LRRC43: variants seen among roughly 807,000 people sequenced by gnomAD.
The protein encoded by LRRC43 is leucine rich repeat containing 43.
A neutral mutation model predicts 64.3 loss-of-function variants in LRRC43; 62 were observed. The ratio of observed to expected loss-of-function variants is 0.96; its 90% CI spans 0.79 to 1.19. The LOEUF is 1.19. Ranked by LOEUF, LRRC43 falls within the 50% of genes most tolerant of loss-of-function variation. The pLI is 0.00. For missense variants in LRRC43, 868 were observed against 845.0 expected, an observed-to-expected ratio of 1.03 and a Z score of -0.34; for synonymous variants, 422 against 382.3, an observed-to-expected ratio of 1.10 and a Z score of -1.21.
intron 1 of LRRC43, among the ~76,000 whole-genome samples, chr12:122,171,640 T>A (rs1267488170): frequency 6.6e-6 from 1 of 152,022 alleles, no homozygotes; most frequent in Non-Finnish European, 1.5e-5. Flanking sequence ...GGATATCTGA[T>A]CTGTGTTACA....
chr12:122,189,643 T>C (rs80035252), intron 4 of LRRC43: 3,724 of 372,028 alleles, frequency 0.01, 26 homozygotes, highest in Non-Finnish European at 0.014. Context: ...TGAGAAGCCA[T>C]CTCCTGCTTC....
intron 1 of LRRC43, among the ~76,000 whole-genome samples, chr12:122,175,314 C>T (rs772867917): frequency 1.3e-5 from 2 of 151,716 alleles, no homozygotes; most frequent in African/African-American, 2.4e-5. Context: ...GGATTACAGG[C>T]GCCCACCACC....
chr12:122,179,507 C>T (rs1953564450), upstream of LRRC43, among the ~76,000 whole-genome samples: 1 of 151,974 alleles, frequency 6.6e-6, no homozygotes, highest in African/African-American at 2.4e-5. Flanking sequence ...TAGGAAGGAA[C>T]TACAGATGTA....
intron 1 of LRRC43, chr12:122,172,652 G>A: frequency 1.2e-6 from 2 of 1,614,148 alleles, no homozygotes; most frequent in Non-Finnish European, 1.7e-6. Flanking sequence ...GGATGGCTGG[G>A]CTGTGGATGT....
chr12:122,194,673 G>T (rs751747029), intron 7 of LRRC43, among the ~76,000 whole-genome samples: 6 of 151,588 alleles, frequency 4.0e-5, no homozygotes, highest in Non-Finnish European at 7.4e-5. Flanking sequence ...GTCTCTCGAT[G>T]TTGACCAGGT....
chr12:122,189,383 T>C (rs751463800), intron 4 of LRRC43: 1 of 455,928 alleles, frequency 2.2e-6, no homozygotes, highest in South Asian at 1.5e-5. Context: ...CCTGGTTTCC[T>C]CTTCCTCCCC....
chr12:122,172,631 G>A, intron 1 of LRRC43: 1 of 1,614,140 alleles, frequency 6.2e-7, no homozygotes, highest in Non-Finnish European at 8.5e-7. Context: ...TGATTGTCTT[G>A]AGATATGCCC....
intron 1 of LRRC43, chr12:122,174,181 A>C (rs1953516919): frequency 1.2e-6 from 2 of 1,614,010 alleles, no homozygotes; most frequent in South Asian, 2.2e-5. Context: ...ATGGCGAGAG[A>C]GAGCAAGGCC....
chr12:122,185,818 G>C (rs972520514), intron 2 of LRRC43, among the ~76,000 whole-genome samples: 12 of 152,200 alleles, frequency 7.9e-5, no homozygotes, highest in African/African-American at 2.9e-4. Flanking sequence ...GCAGCTTCTG[G>C]TCGGACCCTG....
chr12:122,197,944 C>CT (rs1463673960), intron 7 of LRRC43, among the ~76,000 whole-genome samples: 1 of 151,770 alleles, frequency 6.6e-6, no homozygotes. Context: ...TCAGGAGGGT[C>CT]TAACATTTCT....
chr12:122,192,639 G>A (rs1034830510), intron 6 of LRRC43, 106 bp from the exon 7 acceptor site: 2 of 1,346,000 alleles, frequency 1.5e-6, no homozygotes, highest in Non-Finnish European at 1.0e-6. Context: ...CTGCTCATGC[G>A]TGAACCTCAT....
At position 122,194,836 on chromosome 12, in the gene LRRC43, C is replaced by T. The variant is rs140032828; in HGVS notation, c.1349+1832C>T. 6.8e-3 allele frequency among the ~76,000 whole-genome samples: 1,030 copies of T among 152,210 alleles called. 6 individuals carry two copies. The highest frequency in any genetic ancestry group is 0.024 in the Middle Eastern group (7 of 294). On this transcript the variant is annotated intron_variant, in intron 7 of 11. Coordinates refer to ENST00000339777, the MANE Select transcript of LRRC43 (RefSeq NM_001098519.2). The stretch of plus-strand genomic sequence containing the variant: ...CCCATTTCCTTCATGTTGTTATGGT[C>T]AAATATATTACATTTCTACATGTTA...
Position 122,193,740 on chromosome 12 carries a change from A to G in LRRC43, c.1349+736A>G, listed in dbSNP as rs562577207. 1.2e-3 allele frequency among the ~76,000 whole-genome samples: 178 copies of G among 152,234 alleles called. 3 individuals are homozygous for G. Among genetic ancestry groups the G allele is most frequent in the African/African-American group, 4.1e-3 (172 of 41,522 alleles). On this transcript the variant is annotated intron_variant, in intron 7 of 11. Coordinates refer to ENST00000339777, the MANE Select transcript of LRRC43 (RefSeq NM_001098519.2). ...ATGCCCAGCTAATTTTTATAGTTTT[A>G]GTAAAGATGGGGTTTCACCATGTTG...
At chr12:122,178,783 A>G (rs1953558789), upstream of LRRC43, among the ~76,000 whole-genome samples, 1 of 150,930 alleles carries the variant, frequency 6.6e-6, no homozygotes, top group African/African-American at 2.4e-5. Context: ...TTTTTCTTGT[A>G]TTTTTAGTAG....
upstream of LRRC43, among the ~76,000 whole-genome samples, chr12:122,180,177 A>G (rs1953570203): frequency 6.6e-6 from 1 of 152,002 alleles, no homozygotes; most frequent in East Asian, 1.9e-4. Context: ...AGTTTGAATA[A>G]ATTTTTGGTG....
At position 122,200,489 on chromosome 12, in the gene LRRC43, C is replaced by T. The variant is rs200913153; in HGVS notation, c.1492-43C>T. ...GAGGGAGAGGTGACCCCAGGCAGCC[C>T]GCCTGGGCCTCTGCTCACTCGAGGA... On this transcript the variant is annotated intron_variant, in intron 8 of 11. Coordinates refer to ENST00000339777, the MANE Select transcript of LRRC43 (RefSeq NM_001098519.2). This position sits in a 1 kb window ranked among gnomAD's most constrained non-coding sequence, Gnocchi z 4.6. The T allele has an allele frequency of 3.5e-4, 558 of 1,612,610 alleles. No individual in the cohort carries two copies. Among genetic ancestry groups the T allele is most frequent in the Non-Finnish European group, 4.4e-4 (515 of 1,178,790 alleles).
intron 11 of LRRC43, 53 bp downstream of exon 11, chr12:122,201,382 A>G: frequency 6.3e-7 from 1 of 1,578,234 alleles, no homozygotes. Context: ...GGACCTGCTG[A>G]GGGCCAGCCC....
rs1566004239 is a variant in LRRC43 at position 122,176,540 on chromosome 12, T to TTTTG, written c.-405-7976_-405-7975insGTTT. Among the ~76,000 whole-genome samples the TTTTG allele has an allele frequency of 7.9e-4, 65 of 82,732 alleles. 1 individual carries two copies. The highest frequency in any genetic ancestry group is 2.1e-3 in the African/African-American group (45 of 21,564). The allele number at this position is 82,732 out of a possible 152,430, so 54.3% of individuals were successfully genotyped here. A position where few individuals can be genotyped will look rare whatever the true frequency, so the allele number is the denominator to read the frequency against. On this transcript the variant is annotated intron_variant, in intron 1 of 5. Coordinates refer to the LRRC43 transcript ENST00000537729. ...ATTGTTTTGTCTTTTGTTTTGTTTT[T>TTTTG]TTTTTTGGAGAGAAGATCTCAAGCG...
At chr12:122,170,008 T>C (rs1953471501) in intron 1 of LRRC43, among the ~76,000 whole-genome samples, 1 of 152,066 alleles carries the variant, frequency 6.6e-6, no homozygotes, top group South Asian at 2.1e-4. Context: ...GATTTCGCCA[T>C]GTTGCCCAGC....
Sources: allele counts gnomAD v4.1 joint callset (sites outside exome capture counted in the v4.1 genomes callset), GRCh38; gene constraint gnomAD v4.1.1; non-coding constraint Gnocchi (gnomAD v3.1); transcripts MANE v1.5; gene names NCBI Gene and HGNC (gene_info 2026-07-23, HGNC 2026-07-21).